Variants in SYT1 observed in about 807,000 individuals in gnomAD.
SYT1 encodes the protein synaptotagmin 1.
Under a neutral mutation model 44.8 loss-of-function variants are expected in SYT1, and 8 were observed. The observed-to-expected ratio is 0.18, with a 90% CI of 0.10 to 0.32. The LOEUF is 0.32. Among genes scored for constraint, SYT1 ranks in the 10% least tolerant of loss-of-function variants. The pLI, the probability that SYT1 is intolerant of heterozygous loss-of-function variation, is 1.00. For missense variants in SYT1, 286 were observed against 509.3 expected (o/e 0.56, Z 4.22); for synonymous variants, 154 against 188.8 (o/e 0.82, Z 1.51).
intron 8 of SYT1, among the ~76,000 whole-genome samples, chr12:79,336,780 C>T (rs753481432): frequency 1.3e-5 from 2 of 152,178 alleles, no homozygotes; most frequent in African/African-American, 4.8e-5. Flanking sequence ...CCGGTGCACA[C>T]CACCATGCTG....
At chr12:79,440,219 A>C (rs1223724097) in intron 9 of SYT1, among the ~76,000 whole-genome samples, 1 of 152,196 alleles carries the variant, frequency 6.6e-6, no homozygotes, top group Non-Finnish European at 1.5e-5. Context: ...CTCCATCTCA[A>C]AAAAAGAGAG....
intron 3 of SYT1, among the ~76,000 whole-genome samples, chr12:79,069,722 T>C (rs1055365689): frequency 1.3e-5 from 2 of 152,138 alleles, no homozygotes; most frequent in African/African-American, 4.8e-5. Flanking sequence ...TATAGTCAGA[T>C]GTTAAAATCC....
intron 8 of SYT1, among the ~76,000 whole-genome samples, chr12:79,313,210 C>G (rs1318627293): frequency 6.6e-6 from 1 of 152,204 alleles, no homozygotes; most frequent in Non-Finnish European, 1.5e-5. Context: ...ATAGCTTTTA[C>G]AGTTTCACAT....
intron 9 of SYT1, among the ~76,000 whole-genome samples, chr12:79,436,695 G>C (rs536400134): frequency 3.3e-4 from 50 of 152,276 alleles, no homozygotes; most frequent in Admixed American, 1.4e-3. Context: ...CTGAGAAGAG[G>C]GGGGTGGTGA....
chr12:78,935,995 A>G (rs912842396), intron 1 of SYT1, among the ~76,000 whole-genome samples: 1 of 152,142 alleles, frequency 6.6e-6, no homozygotes, highest in Non-Finnish European at 1.5e-5. Context: ...TTGATAAAAC[A>G]AAGGAGAGAT....
At chr12:79,252,903 G>A (rs1350064370) in intron 4 of SYT1, among the ~76,000 whole-genome samples, 3 of 152,176 alleles carry the variant, frequency 2.0e-5, no homozygotes, top group Non-Finnish European at 2.9e-5. Flanking sequence ...GTAATTCTGA[G>A]CCTTCTCTGA....
At chr12:79,148,898 C>T (rs61927292) in intron 3 of SYT1, among the ~76,000 whole-genome samples, 2 of 151,972 alleles carry the variant, frequency 1.3e-5, no homozygotes, top group Non-Finnish European at 2.9e-5. Context: ...GGATTTTTGA[C>T]CTTTATTGTT....
At chr12:79,220,004 G>A (rs150696965) in intron 4 of SYT1, among the ~76,000 whole-genome samples, 116 of 152,068 alleles carry the variant, frequency 7.6e-4, no homozygotes, top group African/African-American at 2.4e-3. Flanking sequence ...GAGAAGAAAC[G>A]GTATTAGTTC....
At chr12:78,929,850 A>C (rs1877536233) in intron 1 of SYT1, among the ~76,000 whole-genome samples, 1 of 152,204 alleles carries the variant, frequency 6.6e-6, no homozygotes, top group Non-Finnish European at 1.5e-5. Context: ...ATACTGACTT[A>C]CAGATACTTA....
At chr12:79,006,648 G>T (rs1871105872) in intron 2 of SYT1, among the ~76,000 whole-genome samples, 1 of 151,926 alleles carries the variant, frequency 6.6e-6, no homozygotes, top group Non-Finnish European at 1.5e-5. Context: ...TTTGTTTTGG[G>T]TTTTGTTATC....
intron 3 of SYT1, among the ~76,000 whole-genome samples, chr12:79,164,326 C>G (rs1871120904): frequency 6.6e-6 from 1 of 152,110 alleles, no homozygotes; most frequent in Non-Finnish European, 1.5e-5. Flanking sequence ...GTTCCACCAA[C>G]TATTAATTCA....
intron 3 of SYT1, among the ~76,000 whole-genome samples, chr12:79,196,941 G>A (rs1873499117): frequency 6.6e-6 from 1 of 152,196 alleles, no homozygotes; most frequent in Non-Finnish European, 1.5e-5. Flanking sequence ...GCAGATAGGC[G>A]ATGTTAATGC....
At chr12:79,139,435 T>G (rs1291365015) in intron 3 of SYT1, among the ~76,000 whole-genome samples, 1 of 152,198 alleles carries the variant, frequency 6.6e-6, no homozygotes, top group Non-Finnish European at 1.5e-5. Flanking sequence ...TATCCATGTT[T>G]CTGTAATAGT....
chr12:79,024,097 A>T (rs1872369059), intron 2 of SYT1, among the ~76,000 whole-genome samples: 1 of 151,812 alleles, frequency 6.6e-6, no homozygotes, highest in Admixed American at 6.6e-5. Flanking sequence ...TGAAGGAGGA[A>T]GTGTGAAGGG....
chr12:79,266,009 GA>G (rs1312478798), intron 4 of SYT1, among the ~76,000 whole-genome samples: 1 of 152,114 alleles, frequency 6.6e-6, no homozygotes, highest in Non-Finnish European at 1.5e-5. Context: ...AAATAATCTG[GA>G]AAAGTTGATA....
rs557875520 is a variant in SYT1 at position 78,883,492 on chromosome 12, ACTTT to A, written c.-217+18392_-217+18395del. On this transcript the variant is annotated intron_variant, in intron 1 of 10. Transcript: ENST00000261205. ...GTCTTCTCTTCCAAGGTGAAATATG[ACTTT>A]CTTTCTTTTCTCAGTCTTTGTTTCC... Among the ~76,000 whole-genome samples the A allele has an allele frequency of 7.6e-3, 1,152 of 151,760 alleles. 4 individuals are homozygous for A. Among genetic ancestry groups the A allele is most frequent in the Non-Finnish European group, 0.011 (745 of 67,712 alleles).
chr12:79,128,047 A>G (rs775588865), intron 3 of SYT1, among the ~76,000 whole-genome samples: 2 of 152,182 alleles, frequency 1.3e-5, no homozygotes, highest in Non-Finnish European at 2.9e-5. Context: ...GGACACAGAG[A>G]TAAAAACATA....
At chr12:79,125,433 C>T (rs1447819231) in intron 3 of SYT1, among the ~76,000 whole-genome samples, 3 of 144,594 alleles carry the variant, frequency 2.1e-5, no homozygotes, top group African/African-American at 7.8e-5. Flanking sequence ...AAACATAGTG[C>T]GACCCTCACT....
intron 3 of SYT1, among the ~76,000 whole-genome samples, chr12:79,132,338 A>C (rs576299848): frequency 6.6e-6 from 1 of 151,928 alleles, no homozygotes; most frequent in Non-Finnish European, 1.5e-5. Context: ...CGTCCCAGCT[A>C]CTCAGGAGGC....
Sources: gnomAD v4.1 joint callset for allele counts (sites outside exome capture counted in the v4.1 genomes callset) on GRCh38, gnomAD v4.1.1 for gene constraint, MANE v1.5 for transcripts, NCBI Gene and HGNC (gene_info 2026-07-23, HGNC 2026-07-21) for gene names.